Variants in PCLO observed in about 807,000 individuals in gnomAD.
PCLO encodes piccolo presynaptic cytomatrix protein.
In PCLO, 82 loss-of-function variants were observed where a neutral mutation model predicts 427.5. The observed-to-expected ratio is 0.19, with a 90% CI of 0.16 to 0.23. The LOEUF (loss-of-function observed/expected upper bound fraction) is 0.23, where lower values mean the gene tolerates loss of function less well. PCLO is among the 10% of genes least tolerant of loss of function. The pLI, the probability that PCLO is intolerant of heterozygous loss-of-function variation, is 1.00. For synonymous variants in PCLO, 2,357 were observed against 2,155.4 expected, an observed-to-expected ratio of 1.09 and a Z score of -2.59; for missense variants, 6,239 against 6,115.9, an observed-to-expected ratio of 1.02 and a Z score of -0.67.
chr7:83,054,977 A>AT (rs766329340), intron 3 of PCLO, among the ~76,000 whole-genome samples: 2 of 152,052 alleles, frequency 1.3e-5, no homozygotes, highest in Non-Finnish European at 1.5e-5. Context: ...TATCTTGTAT[A>AT]TTTTTATTTG....
Position 82,916,731 on chromosome 7 carries a change from C to T in PCLO, c.11255G>A (p.Cys3752Tyr). The T allele has an allele frequency of 6.2e-7, 1 of 1,613,644 alleles. No individual in the cohort carries two copies. Among genetic ancestry groups the T allele is most frequent in the Non-Finnish European group, 8.5e-7 (1 of 1,179,720 alleles). Residue 3752 changes from cysteine (C) to tyrosine (Y), a missense_variant, in exon 7 of 25, where the codon TGC (cysteine) becomes TAC (tyrosine). This residue lies in a region of PCLO where 4,677 missense variants were observed against 4,468.4 expected (regional missense o/e 1.05). Transcript: ENST00000333891. ...TMGTVSRRRICRTNTMARAKI... is the reference protein window; with the variant it reads ...TMGTVSRRRIYRTNTMARAKI... ...GGCTCGTGCCATTGTGTTGGTTCTG[C>T]AGATCCTTCTCCTGGAAACTGTGCC...
intron 6 of PCLO, among the ~76,000 whole-genome samples, chr7:82,933,863 A>G (rs1006044269): frequency 6.6e-6 from 1 of 151,950 alleles, no homozygotes; most frequent in African/African-American, 2.4e-5. Context: ...TCTCAAGAAT[A>G]TGTAAACTTT....
intron 1 of PCLO, among the ~76,000 whole-genome samples, chr7:83,159,479 C>CA (rs1405951655): frequency 2.0e-5 from 3 of 151,790 alleles, no homozygotes; most frequent in East Asian, 3.9e-4. Flanking sequence ...CTACAATGAA[C>CA]AAAAAATCCA....
intron 4 of PCLO, among the ~76,000 whole-genome samples, chr7:82,958,375 T>A (rs772979749): frequency 4.0e-4 from 59 of 148,042 alleles, no homozygotes; most frequent in Middle Eastern, 3.4e-3. Flanking sequence ...CCTCCCTCCC[T>A]CTCCCCATCC....
intron 3 of PCLO, among the ~76,000 whole-genome samples, chr7:83,023,095 C>T (rs1035299130): frequency 2.6e-5 from 4 of 151,946 alleles, no homozygotes; most frequent in African/African-American, 4.8e-5. Flanking sequence ...AAAACTGTTA[C>T]CACTAGCTAT....
intron 9 of PCLO, among the ~76,000 whole-genome samples, chr7:82,886,929 C>G (rs1220493784): frequency 6.6e-6 from 1 of 152,134 alleles, no homozygotes; most frequent in Non-Finnish European, 1.5e-5. Flanking sequence ...CATCTCAAAA[C>G]ACATGACTTT....
At chr7:83,007,654 G>T (rs1787981006) in intron 3 of PCLO, among the ~76,000 whole-genome samples, 1 of 151,466 alleles carries the variant, frequency 6.6e-6, no homozygotes, top group Admixed American at 6.6e-5. Flanking sequence ...TATTTATTGG[G>T]GGAGGACATT....
chr7:82,830,434 C>T (rs1027976390), intron 16 of PCLO, among the ~76,000 whole-genome samples: 1 of 151,668 alleles, frequency 6.6e-6, no homozygotes. Context: ...TAAATTAATA[C>T]ATAGAAAGAG....
At position 82,956,053 on chromosome 7, in the gene PCLO, C is replaced by T. The variant is rs75707968; in HGVS notation, c.4900G>A (p.Asp1634Asn). 347 of 1,612,754 alleles carry T rather than the reference C, an allele frequency of 2.2e-4. 1 individual carries two copies. In the African/African-American group the frequency reaches 4.1e-3, roughly 19 times the overall value. Reference protein sequence around the residue: ...GRRHSWHDEDDEAFDESPELK... With the variant: ...GRRHSWHDEDNEAFDESPELK... ...TCAGGACTTTCATCAAATGCTTCAT[C>T]GTCTTCATCATGCCATGAGTGACGT... is the stretch of plus-strand genomic sequence containing the variant. Residue 1634 changes from aspartate to asparagine, a missense_variant, in exon 5 of 25, where the codon GAT becomes AAT. Physicochemically the swap from Asp to Asn is conservative, Grantham distance 23. Coordinates refer to ENST00000333891, the MANE Select transcript of PCLO (RefSeq NM_033026.6).
chr7:83,120,010 A>C (rs1283987418), intron 3 of PCLO, among the ~76,000 whole-genome samples: 1 of 152,008 alleles, frequency 6.6e-6, no homozygotes, highest in African/African-American at 2.4e-5. Flanking sequence ...AAATATTTCT[A>C]ATAAAGCATG....
intron 8 of PCLO, among the ~76,000 whole-genome samples, chr7:82,906,897 G>A (rs1794205904): frequency 6.6e-6 from 1 of 152,010 alleles, no homozygotes; most frequent in East Asian, 1.9e-4. Context: ...TAACAAGTAT[G>A]TCTACGTGAG....
intron 2 of PCLO, among the ~76,000 whole-genome samples, chr7:83,151,017 A>AAATTTCATCAACCTTG (rs1022722246): frequency 6.6e-6 from 1 of 152,124 alleles, no homozygotes; most frequent in Non-Finnish European, 1.5e-5. Context: ...GTTGTCCCCA[A>AAATTTCATCAACCTTG]AATTTCATCA....
At chr7:83,052,669 A>C (rs1789283515) in intron 3 of PCLO, among the ~76,000 whole-genome samples, 1 of 151,990 alleles carries the variant, frequency 6.6e-6, no homozygotes, top group Non-Finnish European at 1.5e-5. Context: ...CTCTGCTTTC[A>C]CACTTGGTGT....
At chr7:83,124,007 C>G (rs1178913452) in intron 3 of PCLO, among the ~76,000 whole-genome samples, 1 of 146,290 alleles carries the variant, frequency 6.8e-6, no homozygotes, top group Admixed American at 6.8e-5. Flanking sequence ...AAGCATCTCT[C>G]CAAAGAAAAC....
chr7:83,155,869 T>C lies in PCLO; in HGVS notation c.772A>G (p.Ile258Val). ...KSQPPGTGKP[I>V]QGPTQTPQTD... ...TGAGGAGTCTGGGTAGGACCCTGAA[T>C]TGGCTTTCCTGTACCTGGAGGTTGT... Residue 258 changes from isoleucine to valine, a missense_variant, in exon 2 of 25, where the codon ATT becomes GTT. Physicochemically the swap from Ile to Val is conservative, Grantham distance 29. Transcript: ENST00000333891. The C allele has an allele frequency of 1.2e-6, 2 of 1,613,980 alleles. No individual in the cohort carries two copies. Among genetic ancestry groups the C allele is most frequent in the Non-Finnish European group, 1.7e-6 (2 of 1,179,886 alleles).
In PCLO at chr7:82,761,503, T is replaced by C. The variant is rs1198998926; in HGVS notation, c.15008-10A>G. 6.3e-7 allele frequency: 1 copy of C among 1,585,528 alleles called. No individual in the cohort carries two copies. Among genetic ancestry groups the C allele is most frequent in the Admixed American group, 1.7e-5 (1 of 58,676 alleles). ...ATTACCTGAGTTTTAGCTGGGAGAATTTAATAAAAATGCAAAGAAGTATGT... is the reference window on the plus strand; with the variant it reads ...ATTACCTGAGTTTTAGCTGGGAGAACTTAATAAAAATGCAAAGAAGTATGT... On this transcript the variant is annotated splice_polypyrimidine_tract_variant and intron_variant, in intron 22 of 24. Transcript: ENST00000333891.
chr7:82,799,862 T>A (rs1350072749), intron 22 of PCLO, among the ~76,000 whole-genome samples: 1 of 152,208 alleles, frequency 6.6e-6, no homozygotes, highest in Admixed American at 6.5e-5. Context: ...GCTGCTTCAC[T>A]ATCCCCCACT....
chr7:82,869,502 G>A (rs1793177447), intron 10 of PCLO, among the ~76,000 whole-genome samples: 1 of 152,028 alleles, frequency 6.6e-6, no homozygotes, highest in African/African-American at 2.4e-5. Context: ...GAATTTATAT[G>A]CAAAACCAAA....
chr7:83,134,328 A>C lies in PCLO; in HGVS notation c.3222T>G (p.Pro1074=). 6.2e-7 allele frequency: 1 copy of C among 1,608,502 alleles called. No homozygotes were observed. The part of the protein sequence containing the change: ...TELNIGSKDP[P]NFNTCTECKN... ...TGCATTCAGTGCAAGTATTGAAGTTAGGAGGATCCTTAGAACCTATGTTGA... is the reference window on the plus strand; with the variant it reads ...TGCATTCAGTGCAAGTATTGAAGTTCGGAGGATCCTTAGAACCTATGTTGA... The change falls in exon 3 of 25, where the codon CCT becomes CCG. Residue 1074 remains proline (P), a synonymous_variant. Coordinates refer to ENST00000333891, the MANE Select transcript of PCLO (RefSeq NM_033026.6).
Sources: allele counts gnomAD v4.1 joint callset (sites outside exome capture counted in the v4.1 genomes callset), GRCh38; gene constraint gnomAD v4.1.1; regional missense constraint gnomAD v4.1.1; transcripts MANE v1.5; gene names NCBI Gene and HGNC (gene_info 2026-07-23, HGNC 2026-07-21).